The following CMIP variants were observed in gnomAD, a reference collection of about 807,000 sequenced individuals.
CMIP encodes the protein c-Maf inducing protein.
In CMIP, 13 loss-of-function variants were observed where a neutral mutation model predicts 97.3. The observed-to-expected ratio is 0.13, with a 90% CI of 0.09 to 0.21. CMIP has a LOEUF of 0.21. CMIP is among the 10% of genes least tolerant of loss of function. The pLI is 1.00. For synonymous variants in CMIP, 538 were observed against 436.3 expected (o/e 1.23, Z -2.91); for missense variants, 847 against 1,024.9 (o/e 0.83, Z 2.37).
At chr16:81,589,322 C>T (rs1170938264) in intron 1 of CMIP, among the ~76,000 whole-genome samples, 2 of 152,132 alleles carry the variant, frequency 1.3e-5, no homozygotes, top group Non-Finnish European at 2.9e-5. Flanking sequence ...GTCTCGAACT[C>T]CTGGGGTCAA....
rs2091988805 is a variant in CMIP at position 81,621,243 on chromosome 16, T to G, written c.477+317T>G. The G allele has an allele frequency of 4.4e-6, 1 of 226,838 alleles. No individual in the cohort carries two copies. The highest frequency in any genetic ancestry group is 2.2e-5 in the African/African-American group (1 of 44,724). 14.1% of individuals were successfully genotyped at this position (226,838 alleles called of 1,614,324 possible). On this transcript the variant is annotated intron_variant, in intron 3 of 20. Coordinates refer to ENST00000537098, the MANE Select transcript of CMIP (RefSeq NM_198390.3). This position sits in a 1 kb window ranked among gnomAD's most constrained non-coding sequence, Gnocchi z 4.1. ...CTGAGGGGAGTCCAGCCGGGGAGGC[T>G]GGACTTCAGGGGCTCAAGATGCTTA...
rs556414732 is a variant in CMIP, at chr16:81,678,636, C to CT, written c.1388+8_1388+9insT. 2.3e-6 allele frequency: 3 copies of CT among 1,315,100 alleles called. No individual in the cohort carries two copies. The African/African-American group carries it at 6.8e-5, about 30-fold the overall frequency. The allele number at this position is 1,315,100 out of a possible 1,614,324, so 81.5% of individuals were successfully genotyped here. On this transcript the variant is annotated intron_variant, in intron 10 of 20. Coordinates refer to ENST00000537098, the MANE Select transcript of CMIP (RefSeq NM_198390.3). ...GGAAATCCTCAAGCTGCTGTGAGTG[C>CT]CCCCCCCGCGTGCCCGCCCCCGGGG...
At chr16:81,517,831 A>T in intron 1 of CMIP, 1 of 476,454 alleles carries the variant, frequency 2.1e-6, no homozygotes, top group Non-Finnish European at 2.7e-6. Flanking sequence ...TTGGAGTTCG[A>T]CGTTCTCTGG....
At chr16:81,675,802 T>C (rs1904298658) in intron 9 of CMIP, among the ~76,000 whole-genome samples, 1 of 152,162 alleles carries the variant, frequency 6.6e-6, no homozygotes, top group African/African-American at 2.4e-5. Flanking sequence ...TCAAACCTCC[T>C]GGTGCCTGGG....
chr16:81,595,754 T>C (rs1376202704), intron 1 of CMIP, among the ~76,000 whole-genome samples: 3 of 152,202 alleles, frequency 2.0e-5, no homozygotes, highest in African/African-American at 2.4e-5. Flanking sequence ...TAATACTCCA[T>C]TGAATGGATA....
At chr16:81,701,057 G>A (rs1907343428) in intron 15 of CMIP, among the ~76,000 whole-genome samples, 1 of 151,896 alleles carries the variant, frequency 6.6e-6, no homozygotes, top group South Asian at 2.1e-4. Flanking sequence ...TGCTGAGGTA[G>A]GAGGATCACT....
At chr16:81,553,400 C>T (rs999291235) in intron 1 of CMIP, among the ~76,000 whole-genome samples, 19 of 152,208 alleles carry the variant, frequency 1.2e-4, no homozygotes, top group African/African-American at 4.6e-4. Flanking sequence ...CAGGCTGGGT[C>T]GCTGTTTGCA....
chr16:81,696,732 A>T, intron 14 of CMIP, 65 bp downstream of exon 14: 1 of 1,454,860 alleles, frequency 6.9e-7, no homozygotes, highest in Non-Finnish European at 9.3e-7. Flanking sequence ...CCTGACTAGT[A>T]AAACAGCCGT....
chr16:81,577,754 C>A (rs111847265), intron 1 of CMIP, among the ~76,000 whole-genome samples: 2 of 145,814 alleles, frequency 1.4e-5, no homozygotes, highest in Non-Finnish European at 1.5e-5. Context: ...ATTACCACTA[C>A]GCTATTATCA....
chr16:81,493,325 G>A (rs1000721781), intron 1 of CMIP, among the ~76,000 whole-genome samples: 2 of 151,844 alleles, frequency 1.3e-5, no homozygotes, highest in Admixed American at 1.3e-4. Flanking sequence ...TGCACAGGCC[G>A]GAGCTCTGGG....
At chr16:81,475,958 G>T (rs1907884307) in intron 1 of CMIP, 2 of 448,736 alleles carry the variant, frequency 4.5e-6, no homozygotes, top group Non-Finnish European at 8.3e-6. Flanking sequence ...CTGCGCTCCA[G>T]CGTGGGTGAC....
At chr16:81,554,117 T>A (rs1443842056) in intron 1 of CMIP, among the ~76,000 whole-genome samples, 1 of 152,250 alleles carries the variant, frequency 6.6e-6, no homozygotes, top group Non-Finnish European at 1.5e-5. Flanking sequence ...ATTAAGTTAA[T>A]TGTCTTCCTT....
At chr16:81,669,279 T>C (rs2092652723) in intron 7 of CMIP, among the ~76,000 whole-genome samples, 1 of 85,756 alleles carries the variant, frequency 1.2e-5, no homozygotes. Context: ...CACATCCACC[T>C]CACACCTCCA....
At chr16:81,520,567 G>C (rs1289562017) in intron 1 of CMIP, 1 of 68,580 alleles carries the variant, frequency 1.5e-5, no homozygotes, top group African/African-American at 7.9e-5. Context: ...AGGGAGGAAG[G>C]GGGAGAGAGA....
chr16:81,618,853 C>T (rs1024546342), intron 2 of CMIP: 1 of 152,254 alleles, frequency 6.6e-6, no homozygotes, highest in African/African-American at 2.4e-5. Flanking sequence ...TGAGGAAGCA[C>T]TTTTCATGGA....
At chr16:81,570,116 G>T (rs893483052) in intron 1 of CMIP, among the ~76,000 whole-genome samples, 1 of 152,208 alleles carries the variant, frequency 6.6e-6, no homozygotes, top group Non-Finnish European at 1.5e-5. Context: ...CCCTTCTGCA[G>T]ACGGGCTTGT....
At chr16:81,455,971 A>G (rs1295869881) in intron 1 of CMIP, among the ~76,000 whole-genome samples, 2 of 152,184 alleles carry the variant, frequency 1.3e-5, no homozygotes, top group East Asian at 1.9e-4. Context: ...TCTTGTCTGC[A>G]GTGGGGGAAG....
chr16:81,562,005 T>C (rs2090892946), intron 1 of CMIP, among the ~76,000 whole-genome samples: 2 of 152,176 alleles, frequency 1.3e-5, no homozygotes, highest in African/African-American at 4.8e-5. Flanking sequence ...GCAGAGGACA[T>C]GACAGTGGTC....
intron 3 of CMIP, among the ~76,000 whole-genome samples, chr16:81,641,114 C>T (rs908262159): frequency 1.3e-5 from 2 of 152,168 alleles, no homozygotes; most frequent in African/African-American, 4.8e-5. Context: ...CCAGGCCTCG[C>T]CCAGCTCTGC....
Sources: gnomAD v4.1 joint callset for allele counts (sites outside exome capture counted in the v4.1 genomes callset) on GRCh38, gnomAD v4.1.1 for gene constraint, Gnocchi (gnomAD v3.1) non-coding constraint, MANE v1.5 for transcripts, NCBI Gene and HGNC (gene_info 2026-07-23, HGNC 2026-07-21) for gene names.